NGF: variants seen among roughly 807,000 people sequenced by gnomAD.
NGF encodes the protein nerve growth factor.
In NGF, 4 loss-of-function variants were observed where a neutral mutation model predicts 12.8. The observed-to-expected ratio is 0.31, with a 90% CI of 0.15 to 0.72. The LOEUF (loss-of-function observed/expected upper bound fraction) is 0.72, where lower values mean the gene tolerates loss of function less well. NGF is among the 30% of genes least tolerant of loss of function. The pLI, the probability that NGF is intolerant of heterozygous loss-of-function variation, is 0.69. For missense variants in NGF, 283 were observed against 330.8 expected, an observed-to-expected ratio of 0.86 and a Z score of 1.12; for synonymous variants, 140 against 130.0, an observed-to-expected ratio of 1.08 and a Z score of -0.52.
At position 115,286,957 on chromosome 1, in the gene NGF, G is replaced by A. The variant is rs879172336; in HGVS notation, c.-12-150C>T. On this transcript the variant is annotated intron_variant, in intron 2 of 2. Transcript: ENST00000369512. ...CTTCTGAGAGGGAAAGGGTGTGCTA[G>A]CAATGGTTATACCGGGACAACAGGC... 1.6e-5 allele frequency: 16 copies of A among 992,932 alleles called. No individual in the cohort carries two copies. In the South Asian group the frequency reaches 2.0e-4, roughly 13 times the overall value. 61.5% of individuals were successfully genotyped at this position (992,932 alleles called of 1,614,324 possible).
chr1:115,308,632 G>T (rs562511293), intron 1 of NGF, among the ~76,000 whole-genome samples: 1 of 152,050 alleles, frequency 6.6e-6, no homozygotes, highest in Non-Finnish European at 1.5e-5. Context: ...TGACTGTCAT[G>T]GCCTTTTGTT....
Position 115,303,627 on chromosome 1 carries a change from A to G in NGF, c.-136-9877T>C, listed in dbSNP as rs140898852. 3.3e-4 allele frequency among the ~76,000 whole-genome samples: 50 copies of G among 152,106 alleles called. 2 individuals are homozygous for G. The East Asian group carries it at 9.5e-3, about 29-fold the overall frequency. ...ACCACCACCAGCATTACCACTTCCA[A>G]CATATTGCCATGATTACCATCCCCA... On this transcript the variant is annotated intron_variant, in intron 1 of 2. Transcript: ENST00000369512.
chr1:115,326,898 A>G (rs1030958762), intron 1 of NGF, among the ~76,000 whole-genome samples: 2 of 152,210 alleles, frequency 1.3e-5, no homozygotes, highest in African/African-American at 4.8e-5. Context: ...CCTAATAGAT[A>G]TGCAGGGGAA....
rs115110525 is a variant in NGF, at chr1:115,299,937, T to G, written c.-136-6187A>C. Among the ~76,000 whole-genome samples the G allele has an allele frequency of 5.7e-3, 862 of 152,128 alleles. 5 individuals carry two copies. The highest frequency in any genetic ancestry group is 0.01 in the Middle Eastern group (3 of 294). Reference sequence around the variant, plus strand: ...TATAATCATAACAGCACCTATGGAGTCAAGGTTCGCATGTAATCATAACAG... The same window carrying G: ...TATAATCATAACAGCACCTATGGAGGCAAGGTTCGCATGTAATCATAACAG... On this transcript the variant is annotated intron_variant, in intron 1 of 2. Transcript: ENST00000369512.
chr1:115,306,635 G>A (rs996135476), intron 1 of NGF, among the ~76,000 whole-genome samples: 4 of 152,232 alleles, frequency 2.6e-5, no homozygotes, highest in Non-Finnish European at 4.4e-5. Flanking sequence ...ATGTTGCTAT[G>A]TATACAGCAA....
chr1:115,307,729 T>G (rs929056562), intron 1 of NGF, among the ~76,000 whole-genome samples: 1 of 152,244 alleles, frequency 6.6e-6, no homozygotes, highest in Non-Finnish European at 1.5e-5. Flanking sequence ...CTGGAAACAT[T>G]TCAAATATAA....
At chr1:115,293,200 C>A (rs1219792264) in intron 2 of NGF, among the ~76,000 whole-genome samples, 2 of 152,106 alleles carry the variant, frequency 1.3e-5, no homozygotes, top group Non-Finnish European at 2.9e-5. Context: ...AACTCGGAGC[C>A]ACACCTCCTG....
At chr1:115,298,792 C>T (rs561948506) in intron 1 of NGF, among the ~76,000 whole-genome samples, 1 of 151,782 alleles carries the variant, frequency 6.6e-6, no homozygotes, top group Non-Finnish European at 1.5e-5. Context: ...TTGAAGATGC[C>T]AGGGCAGCCA....
chr1:115,311,273 A>C (rs1443587611), intron 1 of NGF, among the ~76,000 whole-genome samples: 1 of 151,968 alleles, frequency 6.6e-6, no homozygotes, highest in Non-Finnish European at 1.5e-5. Flanking sequence ...GACTTCTCCC[A>C]CTCCCACTCT....
At chr1:115,290,501 G>A (rs913330420) in intron 2 of NGF, among the ~76,000 whole-genome samples, 4 of 139,030 alleles carry the variant, frequency 2.9e-5, no homozygotes, top group Non-Finnish European at 6.1e-5. Flanking sequence ...GTTCAAACAA[G>A]TCTCCTGCCT....
chr1:115,302,773 C>A (rs149348421), intron 1 of NGF, among the ~76,000 whole-genome samples: 1,646 of 152,312 alleles, frequency 0.011, 18 homozygotes, highest in Non-Finnish European at 0.017. Context: ...GTGCCGCAGC[C>A]ACCAGGCCTG....
rs1381271908 is a variant in NGF at position 115,286,601 on chromosome 1, C to G, written c.195G>C (p.Gly65=). ...GGTCCACAGTAATGTTGCGGGTCTG[C>G]CCCGCCACGCGTGCAGCTATCGCCG... The part of the protein sequence containing the change: ...PAAAIAARVA[G]QTRNITVDPR... Residue 65 remains glycine (G), a synonymous_variant, in exon 3 of 3, where the codon GGG becomes GGC. Transcript: ENST00000369512. The G allele has an allele frequency of 1.9e-6, 3 of 1,614,186 alleles. No homozygotes were observed. The South Asian group carries it at 3.3e-5, about 18-fold the overall frequency.
chr1:115,286,275 A>G lies in NGF; in HGVS notation c.521T>C (p.Phe174Ser). 6.2e-7 allele frequency: 1 copy of G among 1,614,052 alleles called. No homozygotes were observed. Among genetic ancestry groups the G allele is most frequent in the Non-Finnish European group, 8.5e-7 (1 of 1,180,010 alleles). ...TGGGTCCCGGCACTTGGTCTCAAAA[A>G]AGTACTGTTTGAATACACTGTTGTT... The part of the protein sequence containing the change: ...NINNSVFKQY[F>S]FETKCRDPNP... Residue 174 changes from phenylalanine (F) to serine (S), a missense_variant, in exon 3 of 3, where the codon TTT becomes TCT. This residue lies in a region of NGF where 132 missense variants were observed against 189.2 expected (regional missense o/e 0.70). Transcript: ENST00000369512.
At chr1:115,308,875 T>G (rs1049059948) in intron 1 of NGF, among the ~76,000 whole-genome samples, 3 of 152,160 alleles carry the variant, frequency 2.0e-5, no homozygotes, top group Non-Finnish European at 4.4e-5. Context: ...CATTCATCAG[T>G]CAGAGTTGGT....
chr1:115,335,432 C>T (rs1372785097), intron 1 of NGF, among the ~76,000 whole-genome samples: 1 of 152,188 alleles, frequency 6.6e-6, no homozygotes, highest in African/African-American at 2.4e-5. Context: ...AATGGTCCAC[C>T]ACAGAAGTGA....
intron 1 of NGF, among the ~76,000 whole-genome samples, chr1:115,337,272 T>TTG (rs1557950832): frequency 1.3e-4 from 7 of 52,064 alleles, no homozygotes; most frequent in African/African-American, 4.5e-4. Flanking sequence ...TTTTTGTTTT[T>TTG]TTTTTTTTTT....
chr1:115,329,384 C>T (rs761629561), intron 1 of NGF, among the ~76,000 whole-genome samples: 42 of 152,150 alleles, frequency 2.8e-4, no homozygotes, highest in Non-Finnish European at 5.4e-4. Flanking sequence ...AAAAGTTACC[C>T]AAGATCACAC....
At chr1:115,311,802 A>G (rs1177759085) in intron 1 of NGF, among the ~76,000 whole-genome samples, 2 of 152,232 alleles carry the variant, frequency 1.3e-5, no homozygotes, top group African/African-American at 2.4e-5. Context: ...GCCACTCAGC[A>G]TATGTAAATC....
chr1:115,294,581 T>G (rs1455938931), intron 1 of NGF, among the ~76,000 whole-genome samples: 6 of 152,224 alleles, frequency 3.9e-5, no homozygotes, highest in African/African-American at 1.4e-4. Flanking sequence ...TCCAGATTCT[T>G]TATATGCCAT....
Sources: gnomAD v4.1 joint callset for allele counts (sites outside exome capture counted in the v4.1 genomes callset) on GRCh38, gnomAD v4.1.1 for gene constraint, gnomAD v4.1.1 regional missense constraint, MANE v1.5 for transcripts, NCBI Gene and HGNC (gene_info 2026-07-23, HGNC 2026-07-21) for gene names.